Variants in GARNL3 observed in about 807,000 individuals in gnomAD.
GARNL3 encodes the protein GTPase activating Rap/RanGAP domain like 3, also known as GTPase-activating Rap/Ran-GAP domain-like protein 3.
Under a neutral mutation model 125.0 loss-of-function variants are expected in GARNL3, and 63 were observed. That is an observed-to-expected ratio of 0.50 (90% CI 0.41 to 0.62). The LOEUF (loss-of-function observed/expected upper bound fraction) is 0.62. Ranked by LOEUF, GARNL3 falls within the 20% of genes least tolerant of loss-of-function variation. The pLI, the probability that GARNL3 is intolerant of heterozygous loss-of-function variation, is 0.00. For missense variants in GARNL3, 994 were observed against 1,244.0 expected (o/e 0.80, Z 3.02); for synonymous variants, 439 against 457.5 (o/e 0.96, Z 0.52).
chr9:127,236,663 T>G (rs1468733692), intron 1 of GARNL3, among the ~76,000 whole-genome samples: 4 of 152,152 alleles, frequency 2.6e-5, no homozygotes, highest in Non-Finnish European at 5.9e-5. Context: ...CTGGCCTCAG[T>G]TCCCCCTGCT....
At chr9:127,248,919 G>C (rs1483292877) in intron 2 of GARNL3, among the ~76,000 whole-genome samples, 2 of 151,838 alleles carry the variant, frequency 1.3e-5, no homozygotes, top group Non-Finnish European at 2.9e-5. Context: ...CCAGTATTTT[G>C]TTTTTCATTT....
At chr9:127,302,946 T>C (rs971562615) in intron 2 of GARNL3, among the ~76,000 whole-genome samples, 6 of 152,106 alleles carry the variant, frequency 3.9e-5, no homozygotes, top group Admixed American at 2.6e-4. Context: ...GGTCAGGAGA[T>C]CGAGACCATC....
In GARNL3 at chr9:127,280,410, A is replaced by G. The variant is rs1342485693; in HGVS notation, c.145-10758A>G. Among the ~76,000 whole-genome samples the G allele has an allele frequency of 1.3e-5, 2 of 152,222 alleles. No homozygotes were observed. The highest frequency in any genetic ancestry group is 4.8e-5 in the African/African-American group (2 of 41,458). The stretch of plus-strand genomic sequence containing the variant: ...CCTCAAAATGCAGTGTCCATGCAGT[A>G]AAAAGATGATTCCTAGTGTTTTATT... On this transcript the variant is annotated intron_variant, in intron 1 of 27. Coordinates refer to ENST00000373387, the MANE Select transcript of GARNL3 (RefSeq NM_032293.5). This position sits in a 1 kb window ranked among gnomAD's most constrained non-coding sequence, Gnocchi z 4.5.
At chr9:127,334,989 T>C (rs1207368127) in intron 9 of GARNL3, among the ~76,000 whole-genome samples, 1 of 152,244 alleles carries the variant, frequency 6.6e-6, no homozygotes, top group African/African-American at 2.4e-5. Context: ...GGACTTCTTA[T>C]GACCTTCTCC....
chr9:127,336,487 T>C (rs746460280), intron 11 of GARNL3, among the ~76,000 whole-genome samples: 2 of 152,194 alleles, frequency 1.3e-5, no homozygotes, highest in Non-Finnish European at 2.9e-5. Flanking sequence ...TCAGGTAGTC[T>C]ACAAAATGAG....
chr9:127,316,697 C>T (rs907955581), intron 4 of GARNL3, among the ~76,000 whole-genome samples: 39 of 152,200 alleles, frequency 2.6e-4, no homozygotes, highest in Non-Finnish European at 3.2e-4. Flanking sequence ...AAGAAGGGCT[C>T]TCTCTAGTGC....
chr9:127,245,147 G>C (rs2063275331), intron 2 of GARNL3, among the ~76,000 whole-genome samples: 1 of 152,244 alleles, frequency 6.6e-6, no homozygotes, highest in Non-Finnish European at 1.5e-5. Context: ...CCGAGCAGGA[G>C]TTAAAGTACC....
intron 6 of GARNL3, among the ~76,000 whole-genome samples, chr9:127,321,237 G>A (rs182319143): frequency 4.6e-5 from 7 of 152,126 alleles, no homozygotes; most frequent in Admixed American, 1.3e-4. Flanking sequence ...GGGTTCAAGC[G>A]ATTCTCCTGC....
At chr9:127,338,256 G>A in intron 12 of GARNL3, 95 bp downstream of exon 12, 1 of 1,020,760 alleles carries the variant, frequency 9.8e-7, no homozygotes, top group Non-Finnish European at 1.5e-6. Context: ...CATATTTCTT[G>A]ATTGATTTAA....
rs1333005 is a variant in GARNL3 at position 127,280,090 on chromosome 9, G to A, written c.145-11078G>A. Among the ~76,000 whole-genome samples the A allele has an allele frequency of 0.029, 4,442 of 152,258 alleles. 103 individuals carry two copies. The highest frequency in any genetic ancestry group is 0.053 in the African/African-American group (2,203 of 41,536). On this transcript the variant is annotated intron_variant, in intron 1 of 27. Transcript: ENST00000373387. The surrounding 1 kb of genome is among the most constrained non-coding windows in gnomAD (Gnocchi z 4.5). ...CAGTAGCAGTCTGGTTGAAAGAGGC[G>A]TATTGAAGTAATGTTTGCTTAGCTC...
chr9:127,258,832 A>G (rs1234953866), upstream of GARNL3, among the ~76,000 whole-genome samples: 2 of 152,056 alleles, frequency 1.3e-5, no homozygotes, highest in African/African-American at 2.4e-5. Context: ...CTGTCCCTCA[A>G]TAAGGAGAAT....
At chr9:127,377,792 C>CAAAAAAAAAAAAAAAAAAAAA in intron 22 of GARNL3, among the ~76,000 whole-genome samples, 1 of 67,486 alleles carries the variant, frequency 1.5e-5, no homozygotes, top group Non-Finnish European at 3.1e-5. Context: ...GACTCCGTCT[C>CAAAAAAAAAAAAAAAAAAAAA]AAAAAAAAAA....
intron 1 of GARNL3, among the ~76,000 whole-genome samples, chr9:127,231,891 A>G (rs773209945): frequency 1.1e-4 from 16 of 152,210 alleles, no homozygotes; most frequent in Non-Finnish European, 2.1e-4. Flanking sequence ...AGTGGGTTCT[A>G]TGAATCTGTG....
intron 17 of GARNL3, among the ~76,000 whole-genome samples, chr9:127,349,419 A>T (rs1253558548): frequency 6.6e-6 from 1 of 152,230 alleles, no homozygotes; most frequent in Non-Finnish European, 1.5e-5. Flanking sequence ...TCTTAAAAAA[A>T]AAAAAAAGAT....
intron 1 of GARNL3, among the ~76,000 whole-genome samples, chr9:127,290,782 A>G (rs1382857704): frequency 6.6e-6 from 1 of 152,176 alleles, no homozygotes; most frequent in Non-Finnish European, 1.5e-5. Context: ...GCCAGCCACT[A>G]ATTGTTCTTT....
At chr9:127,263,506 T>A (rs1437228972), upstream of GARNL3, among the ~76,000 whole-genome samples, 1 of 152,086 alleles carries the variant, frequency 6.6e-6, no homozygotes. Flanking sequence ...GCGGGCTTGG[T>A]AACTGATATG....
chr9:127,284,751 A>ATG (rs2064199273), intron 1 of GARNL3, among the ~76,000 whole-genome samples: 1 of 150,984 alleles, frequency 6.6e-6, no homozygotes, highest in African/African-American at 2.4e-5. Context: ...GAATTTATAT[A>ATG]AATATATGCA....
intron 1 of GARNL3, among the ~76,000 whole-genome samples, chr9:127,278,902 CTG>C (rs1257105619): frequency 6.6e-6 from 1 of 152,194 alleles, no homozygotes; most frequent in African/African-American, 2.4e-5. Flanking sequence ...CGCCTTCTCT[CTG>C]TGTCTCTGTA....
At chr9:127,274,890 T>A (rs906769326) in intron 1 of GARNL3, among the ~76,000 whole-genome samples, 1 of 152,306 alleles carries the variant, frequency 6.6e-6, no homozygotes, top group South Asian at 2.1e-4. Flanking sequence ...AAAATGCACA[T>A]AAGTCTCTAA....
Sources: allele counts gnomAD v4.1 joint callset (sites outside exome capture counted in the v4.1 genomes callset), GRCh38; gene constraint gnomAD v4.1.1; non-coding constraint Gnocchi (gnomAD v3.1); transcripts MANE v1.5; gene names NCBI Gene and HGNC (gene_info 2026-07-23, HGNC 2026-07-21).